KCNJ16: variants seen among roughly 807,000 people sequenced by gnomAD.
The protein encoded by KCNJ16 is inward rectifier potassium channel 16.
Under a neutral mutation model 18.5 loss-of-function variants are expected in KCNJ16, and 15 were observed. The observed-to-expected ratio is 0.81, with a 90% CI of 0.54 to 1.25. The LOEUF (loss-of-function observed/expected upper bound fraction) is 1.25, where lower values mean the gene tolerates loss of function less well. Ranked by LOEUF, KCNJ16 falls within the 50% of genes most tolerant of loss-of-function variation. KCNJ16 has a pLI of 0.00. For missense variants in KCNJ16, 523 were observed against 525.7 expected (o/e 0.99, Z 0.05); for synonymous variants, 174 against 186.5 (o/e 0.93, Z 0.55).
intron 2 of KCNJ16, chr17:70,101,760 A>G (rs1327982681): frequency 2.1e-5 from 3 of 145,690 alleles, no homozygotes; most frequent in Non-Finnish European, 4.5e-5. Context: ...CTTTAGTGTT[A>G]TGTTATTTAG....
chr17:70,126,177 T>C (rs1474384352), intron 2 of KCNJ16, among the ~76,000 whole-genome samples: 1 of 152,228 alleles, frequency 6.6e-6, no homozygotes, highest in Non-Finnish European at 1.5e-5. Flanking sequence ...TATTATTATC[T>C]TTAAAGTGAA....
chr17:70,083,789 G>A lies in KCNJ16; in HGVS notation c.-300+8399G>A, dbSNP rs562621080. 4.6e-5 allele frequency among the ~76,000 whole-genome samples: 7 copies of A among 152,292 alleles called. No individual in the cohort carries two copies. The South Asian group carries it at 6.2e-4, about 14-fold the overall frequency. On this transcript the variant is annotated intron_variant, in intron 1 of 3. Coordinates refer to ENST00000392671, the MANE Select transcript of KCNJ16 (RefSeq NM_170741.4). ...CAGTTGGTCACATATTCTATGTGAA[G>A]CTGACATCCCTGTATCTGGCACTGG...
chr17:70,088,021 C>CAAAAAAAAA (rs10661960), intron 1 of KCNJ16, among the ~76,000 whole-genome samples: 7 of 79,450 alleles, frequency 8.8e-5, no homozygotes, highest in African/African-American at 2.2e-4. Context: ...GACTCTGTCT[C>CAAAAAAAAA]AAAAAAAAAA....
chr17:70,083,585 A>T (rs1339655912), intron 1 of KCNJ16, among the ~76,000 whole-genome samples: 1 of 152,112 alleles, frequency 6.6e-6, no homozygotes, highest in African/African-American at 2.4e-5. Context: ...GTAGCTTAGG[A>T]GTAATAGGCT....
intron 1 of KCNJ16, among the ~76,000 whole-genome samples, chr17:70,078,967 A>T (rs2071430787): frequency 6.6e-6 from 1 of 152,148 alleles, no homozygotes; most frequent in Non-Finnish European, 1.5e-5. Flanking sequence ...TCAGAAACTC[A>T]CTCTTAAGAG....
intron 1 of KCNJ16, among the ~76,000 whole-genome samples, chr17:70,089,378 T>G (rs770496140): frequency 6.6e-6 from 1 of 152,240 alleles, no homozygotes; most frequent in Non-Finnish European, 1.5e-5. Context: ...AATTTGCATA[T>G]GAGTTTTAAT....
intron 2 of KCNJ16, chr17:70,101,503 C>G (rs1213427317): frequency 6.6e-6 from 1 of 152,100 alleles, no homozygotes; most frequent in Non-Finnish European, 1.5e-5. Context: ...TTCATGTTTG[C>G]TTTTGATTTG....
Position 70,105,447 on chromosome 17 carries a change from C to T in KCNJ16, c.-191+4681C>T, listed in dbSNP as rs76655381. 1.6e-4 allele frequency among the ~76,000 whole-genome samples: 25 copies of T among 152,286 alleles called. No individual in the cohort carries two copies. In the East Asian group the frequency reaches 4.6e-3, roughly 28 times the overall value. On this transcript the variant is annotated intron_variant, in intron 2 of 3. Transcript: ENST00000392671. ...TCATTTCCTGTGGAAAACAGTCATT[C>T]ATAAAACCATCTTTTTTGTATGTCT...
At chr17:70,087,730 T>A (rs969855958) in intron 1 of KCNJ16, among the ~76,000 whole-genome samples, 1 of 151,218 alleles carries the variant, frequency 6.6e-6, no homozygotes, top group African/African-American at 2.4e-5. Context: ...AAATAAATAA[T>A]AAAATGTGAC....
chr17:70,116,570 A>G (rs1467991217), intron 2 of KCNJ16, among the ~76,000 whole-genome samples: 4 of 152,234 alleles, frequency 2.6e-5, no homozygotes, highest in Non-Finnish European at 2.9e-5. Context: ...TGACAATATA[A>G]TAACACATTA....
Position 70,134,728 on chromosome 17 carries a change from GT to G in KCNJ16, c.*1389del, listed in dbSNP as rs1743565623. 6.0e-6 allele frequency: 1 copy of G among 166,760 alleles called. No individual in the cohort carries two copies. The highest frequency in any genetic ancestry group is 1.5e-5 in the Non-Finnish European group (1 of 68,050). The allele number at this position is 166,760 out of a possible 1,614,324, so 10.3% of individuals were successfully genotyped here. On this transcript the variant is annotated 3_prime_UTR_variant, in exon 4 of 4. Coordinates refer to ENST00000392671, the MANE Select transcript of KCNJ16 (RefSeq NM_170741.4). ...GCACTGGCAATAAGTATGTGGCACT[GT>G]TTTTATTTGTTTATGTTATTTAAAT...
At chr17:70,081,372 A>G (rs1436132097) in intron 1 of KCNJ16, among the ~76,000 whole-genome samples, 1 of 152,210 alleles carries the variant, frequency 6.6e-6, no homozygotes, top group South Asian at 2.1e-4. Context: ...ACTGTATTAG[A>G]TAACAGTATT....
Position 70,132,740 on chromosome 17 carries a change from C to T in KCNJ16, c.653C>T (p.Ala218Val). The T allele has an allele frequency of 6.2e-7, 1 of 1,614,022 alleles. No individual in the cohort carries two copies. Among genetic ancestry groups the T allele is most frequent in the Non-Finnish European group, 8.5e-7 (1 of 1,180,030 alleles). The part of the protein sequence containing the change: ...PNHVVEGTVR[A>V]QLLRYTEDSE... Reference sequence around the variant, plus strand: ...CACGTGGTAGAAGGAACAGTTAGAGCCCAACTTCTCCGCTATACAGAAGAC... The same window carrying T: ...CACGTGGTAGAAGGAACAGTTAGAGTCCAACTTCTCCGCTATACAGAAGAC... Residue 218 changes from alanine to valine, a missense_variant, in exon 4 of 4, where the codon GCC (alanine) becomes GTC (valine). Coordinates refer to ENST00000392671, the MANE Select transcript of KCNJ16 (RefSeq NM_170741.4).
chr17:70,135,573 T>C lies in KCNJ16; in HGVS notation c.*2229T>C, dbSNP rs1340290212. ...AACATACTTTGACAACCCCAGTGAG[T>C]TACTTAATAATAAAGATCTTAAAAT... On this transcript the variant is annotated 3_prime_UTR_variant, in exon 4 of 4. Transcript: ENST00000392671. The C allele has an allele frequency of 6.0e-6, 1 of 166,284 alleles. No homozygotes were observed. Among genetic ancestry groups the C allele is most frequent in the African/African-American group, 2.4e-5 (1 of 41,448 alleles). 10.3% of individuals were successfully genotyped at this position (166,284 alleles called of 1,614,324 possible).
intron 1 of KCNJ16, among the ~76,000 whole-genome samples, chr17:70,077,291 A>G (rs976347497): frequency 4.6e-5 from 7 of 152,220 alleles, no homozygotes; most frequent in African/African-American, 1.7e-4. Context: ...GACCATGGGA[A>G]GCGTAGATTT....
intron 2 of KCNJ16, among the ~76,000 whole-genome samples, chr17:70,103,889 T>C (rs2072787101): frequency 6.6e-6 from 1 of 152,038 alleles, no homozygotes; most frequent in Admixed American, 6.6e-5. Context: ...ACAGCACAAG[T>C]ATTTACTGTG....
chr17:70,111,977 T>C (rs3785902), intron 2 of KCNJ16, among the ~76,000 whole-genome samples: 31,835 of 152,120 alleles, frequency 0.21, 4,239 homozygotes, highest in East Asian at 0.42. Flanking sequence ...CGGTCACCAA[T>C]CTCAATGTGT....
chr17:70,079,335 C>T (rs981131265), intron 1 of KCNJ16, among the ~76,000 whole-genome samples: 3 of 152,184 alleles, frequency 2.0e-5, no homozygotes, highest in African/African-American at 7.2e-5. Context: ...TAAGGCCCAC[C>T]TACATTATGG....
intron 2 of KCNJ16, among the ~76,000 whole-genome samples, chr17:70,125,146 G>A (rs570638742): frequency 1.3e-5 from 2 of 151,944 alleles, no homozygotes; most frequent in East Asian, 3.9e-4. Flanking sequence ...CACATCTACA[G>A]TCCCAGCTAC....
Sources: gnomAD v4.1 joint callset for allele counts (sites outside exome capture counted in the v4.1 genomes callset) on GRCh38, gnomAD v4.1.1 for gene constraint, MANE v1.5 for transcripts, NCBI Gene and HGNC (gene_info 2026-07-23, HGNC 2026-07-21) for gene names.